The following DOCK3 variants were observed in gnomAD, a reference collection of about 807,000 sequenced individuals.
The protein encoded by DOCK3 is dedicator of cytokinesis 3.
In DOCK3, 60 loss-of-function variants were observed where a neutral mutation model predicts 265.6. The ratio of observed to expected loss-of-function variants is 0.23; its 90% CI spans 0.18 to 0.28. DOCK3 has a LOEUF of 0.28. DOCK3 is among the 10% of genes least tolerant of loss of function. The pLI, the probability that DOCK3 is intolerant of heterozygous loss-of-function variation, is 1.00. For synonymous variants in DOCK3, 881 were observed against 938.0 expected (o/e 0.94, Z 1.11); for missense variants, 1,981 against 2,594.3 (o/e 0.76, Z 5.14).
At chr3:51,186,801 G>T (rs1373255663) in intron 12 of DOCK3, among the ~76,000 whole-genome samples, 1 of 152,210 alleles carries the variant, frequency 6.6e-6, no homozygotes, top group African/African-American at 2.4e-5. Flanking sequence ...GCTTCCACAT[G>T]GTGTTGAGCC....
At chr3:51,367,484 A>G (rs930404193) in intron 49 of DOCK3, among the ~76,000 whole-genome samples, 2 of 152,162 alleles carry the variant, frequency 1.3e-5, no homozygotes, top group Non-Finnish European at 2.9e-5. Context: ...CAGTTAGCCC[A>G]TTTACATTTA....
At chr3:51,011,688 G>A (rs1413103610) in intron 5 of DOCK3, among the ~76,000 whole-genome samples, 1 of 152,098 alleles carries the variant, frequency 6.6e-6, no homozygotes, top group Non-Finnish European at 1.5e-5. Flanking sequence ...CCTTTGGAGG[G>A]GAAGAGGCAC....
At chr3:51,107,545 T>C (rs748643289) in intron 9 of DOCK3, among the ~76,000 whole-genome samples, 9 of 151,930 alleles carry the variant, frequency 5.9e-5, no homozygotes, top group Non-Finnish European at 1.3e-4. Flanking sequence ...AAAAACACTC[T>C]AGAAGAAGTA....
rs187133207 is a variant in DOCK3, at chr3:51,246,212, A to C, written c.2103-514A>C. Among the ~76,000 whole-genome samples, 61 of 149,722 alleles carry C rather than the reference A, an allele frequency of 4.1e-4. 1 individual carries two copies. Among genetic ancestry groups the C allele is most frequent in the Non-Finnish European group, 1.2e-4 (8 of 67,730 alleles). On this transcript the variant is annotated intron_variant, in intron 21 of 52. Transcript: ENST00000266037. ...TAAGACAAAACAAAAATACACATCC[A>C]GTCCAGGTCTTTAGGAAAACTTTTT...
chr3:51,293,847 A>G (rs2081925299), intron 27 of DOCK3, among the ~76,000 whole-genome samples: 1 of 152,252 alleles, frequency 6.6e-6, no homozygotes, highest in Non-Finnish European at 1.5e-5. Context: ...ATATATGAAA[A>G]AATGCTCAAT....
chr3:50,854,592 G>GTTTTTTTTTTTTTTTTTTT lies in DOCK3; in HGVS notation c.162+12895_162+12896insTTTTTTTTTTTTTTTTTTT, dbSNP rs71084118. Among the ~76,000 whole-genome samples the GTTTTTTTTTTTTTTTTTTT allele has an allele frequency of 8.0e-3, 378 of 47,206 alleles. 135 individuals carry two copies. Among genetic ancestry groups the GTTTTTTTTTTTTTTTTTTT allele is most frequent in the South Asian group, 0.016 (11 of 704 alleles). The allele number at this position is 47,206 out of a possible 152,430, so 31.0% of individuals were successfully genotyped here. On this transcript the variant is annotated intron_variant, in intron 3 of 52. Coordinates refer to ENST00000266037, the MANE Select transcript of DOCK3 (RefSeq NM_004947.5). ...GCTACAGATGAGCACCATCACACCAGTTTTTTTTTTTTTTTTTTGGTGGTC... is the reference window on the plus strand; with the variant it reads ...GCTACAGATGAGCACCATCACACCAGTTTTTTTTTTTTTTTTTTTTTTTTTTTTTTTTTTTTTGGTGGTC...
chr3:51,228,636 T>C, intron 17 of DOCK3, 25 bp from the exon 18 acceptor site: 1 of 1,601,650 alleles, frequency 6.2e-7, no homozygotes, highest in South Asian at 1.1e-5. Context: ...TCAGGGGACA[T>C]TTTTTTCTCC....
At chr3:51,027,117 T>C (rs1024695786) in intron 5 of DOCK3, among the ~76,000 whole-genome samples, 1 of 152,168 alleles carries the variant, frequency 6.6e-6, no homozygotes, top group Non-Finnish European at 1.5e-5. Context: ...TTTAGCACTG[T>C]TTTTGCTGCA....
chr3:50,877,458 T>A lies in DOCK3; in HGVS notation c.163-12568T>A, dbSNP rs779319277. The A allele has an allele frequency of 7.7e-6, 4 of 520,042 alleles. No homozygotes were observed. In the East Asian group the frequency reaches 2.2e-4, roughly 28 times the overall value. The allele number at this position is 520,042 out of a possible 1,614,324, so 32.2% of individuals were successfully genotyped here. On this transcript the variant is annotated intron_variant, in intron 3 of 52. Transcript: ENST00000266037. ...TGCTTTCCCTCACCACTTATAAGGC[T>A]GAGCCAAATCAGAATTTATTTCATT...
chr3:51,194,736 T>C (rs1296930187), intron 12 of DOCK3, among the ~76,000 whole-genome samples: 1 of 152,170 alleles, frequency 6.6e-6, no homozygotes, highest in African/African-American at 2.4e-5. Flanking sequence ...TACTCGCTTT[T>C]GGTTTCTATT....
intron 27 of DOCK3, among the ~76,000 whole-genome samples, chr3:51,286,218 A>G (rs1292931907): frequency 6.6e-6 from 1 of 152,208 alleles, no homozygotes; most frequent in Non-Finnish European, 1.5e-5. Flanking sequence ...CATTCACAAT[A>G]GCCACAAAAA....
chr3:51,368,305 C>T (rs2087403492), intron 49 of DOCK3, among the ~76,000 whole-genome samples: 1 of 152,182 alleles, frequency 6.6e-6, no homozygotes, highest in Non-Finnish European at 1.5e-5. Flanking sequence ...CCTTTCCTAG[C>T]AAAGGGAAGC....
intron 1 of DOCK3, among the ~76,000 whole-genome samples, chr3:50,769,530 G>A (rs2041139521): frequency 6.6e-6 from 1 of 152,110 alleles, no homozygotes; most frequent in South Asian, 2.1e-4. Context: ...AGAAGTCTTG[G>A]TCGAGCATGG....
intron 35 of DOCK3, among the ~76,000 whole-genome samples, chr3:51,336,442 TG>T (rs1448562490): frequency 6.6e-6 from 1 of 152,118 alleles, no homozygotes; most frequent in African/African-American, 2.4e-5. Context: ...CTGAGGGTTA[TG>T]AAGCCTTCCT....
intron 1 of DOCK3, among the ~76,000 whole-genome samples, chr3:50,772,674 A>T (rs532761593): frequency 6.6e-6 from 1 of 152,342 alleles, no homozygotes. Context: ...AGAAATCAAG[A>T]AAACAATCTC....
At chr3:50,937,215 T>C (rs1191895954) in intron 5 of DOCK3, among the ~76,000 whole-genome samples, 1 of 149,872 alleles carries the variant, frequency 6.7e-6, no homozygotes, top group African/African-American at 2.5e-5. Flanking sequence ...AGGCGGAGGT[T>C]TCAGTAAGCC....
At chr3:50,806,465 A>C (rs893544849) in intron 2 of DOCK3, among the ~76,000 whole-genome samples, 2 of 151,490 alleles carry the variant, frequency 1.3e-5, no homozygotes, top group African/African-American at 4.9e-5. Flanking sequence ...TAGCCAGGCC[A>C]CTGGCCCCAG....
chr3:51,291,598 A>G (rs1222691835), intron 27 of DOCK3, among the ~76,000 whole-genome samples: 1 of 152,206 alleles, frequency 6.6e-6, no homozygotes, highest in Non-Finnish European at 1.5e-5. Flanking sequence ...AGCTTGAATC[A>G]GTAATTAAGA....
At chr3:51,057,816 T>C (rs2081259865) in intron 5 of DOCK3, among the ~76,000 whole-genome samples, 2 of 152,224 alleles carry the variant, frequency 1.3e-5, no homozygotes, top group South Asian at 4.1e-4. Context: ...CAGTGCTGCT[T>C]TACTTAATCC....
Sources: allele counts gnomAD v4.1 joint callset (sites outside exome capture counted in the v4.1 genomes callset), GRCh38; gene constraint gnomAD v4.1.1; transcripts MANE v1.5; gene names NCBI Gene and HGNC (gene_info 2026-07-23, HGNC 2026-07-21).